CDH13: variants seen among roughly 807,000 people sequenced by gnomAD.
CDH13 encodes cadherin 13.
CDH13 carries 24 observed loss-of-function variants against 63.8 expected under a neutral mutation model. That is an observed-to-expected ratio of 0.38 (90% confidence interval 0.27 to 0.53). The LOEUF (loss-of-function observed/expected upper bound fraction) is 0.53, where lower values mean the gene tolerates loss of function less well. CDH13 is among the 20% of genes least tolerant of loss of function. The pLI is 0.85. For missense variants in CDH13, 1,049 were observed against 903.1 expected (o/e 1.16, Z -2.07); for synonymous variants, 503 against 355.3 (o/e 1.42, Z -4.67).
chr16:83,336,531 T>C (rs938987948), intron 5 of CDH13, among the ~76,000 whole-genome samples: 11 of 152,176 alleles, frequency 7.2e-5, no homozygotes, highest in African/African-American at 2.7e-4. Flanking sequence ...CGGAGTCACA[T>C]TGTGTTAGAG....
intron 4 of CDH13, among the ~76,000 whole-genome samples, chr16:83,196,301 A>G (rs1253627292): frequency 1.3e-5 from 2 of 152,190 alleles, no homozygotes; most frequent in African/African-American, 2.4e-5. Context: ...CTCAAAGTGG[A>G]TCACAGATAT....
At chr16:83,003,251 G>A (rs534184798) in intron 2 of CDH13, among the ~76,000 whole-genome samples, 10 of 152,290 alleles carry the variant, frequency 6.6e-5, no homozygotes, top group South Asian at 2.1e-4. Context: ...GCTCTTGGGC[G>A]GTGAGAGGAC....
chr16:83,327,439 G>GA (rs900598219), intron 5 of CDH13, among the ~76,000 whole-genome samples: 1 of 151,970 alleles, frequency 6.6e-6, no homozygotes, highest in Non-Finnish European at 1.5e-5. Flanking sequence ...CTGTCCTCCA[G>GA]AAAAAAGGGA....
At chr16:83,155,114 A>G (rs993993826) in intron 4 of CDH13, among the ~76,000 whole-genome samples, 5 of 152,244 alleles carry the variant, frequency 3.3e-5, no homozygotes, top group African/African-American at 1.2e-4. Context: ...TTACTATTAG[A>G]GAATGTTAAT....
At chr16:83,544,790 C>T (rs139545081) in intron 7 of CDH13, among the ~76,000 whole-genome samples, 3 of 152,298 alleles carry the variant, frequency 2.0e-5, no homozygotes, top group African/African-American at 7.2e-5. Flanking sequence ...TTTGTTTCCT[C>T]ATCTGCAAAA....
intron 6 of CDH13, among the ~76,000 whole-genome samples, chr16:83,385,892 G>T (rs2091663846): frequency 6.6e-6 from 1 of 152,180 alleles, no homozygotes; most frequent in Non-Finnish European, 1.5e-5. Flanking sequence ...ACCTGGGTCT[G>T]ATCCCATCTG....
intron 4 of CDH13, among the ~76,000 whole-genome samples, chr16:83,198,409 C>T (rs930336297): frequency 6.6e-6 from 1 of 151,874 alleles, no homozygotes; most frequent in East Asian, 1.9e-4. Flanking sequence ...AGCTCGACAC[C>T]AACAATTTGC....
At chr16:82,721,273 A>G (rs765875880) in intron 1 of CDH13, among the ~76,000 whole-genome samples, 29 of 152,200 alleles carry the variant, frequency 1.9e-4, no homozygotes, top group African/African-American at 7.0e-4. Context: ...AAAGGATCAT[A>G]TTGCAATGTA....
intron 8 of CDH13, among the ~76,000 whole-genome samples, chr16:83,605,997 C>T (rs559874186): frequency 6.6e-6 from 1 of 152,248 alleles, no homozygotes; most frequent in Admixed American, 6.5e-5. Context: ...GAGGAGAGCT[C>T]CTAATGAGGA....
intron 5 of CDH13, among the ~76,000 whole-genome samples, chr16:83,331,179 G>A (rs1263467835): frequency 1.3e-5 from 2 of 152,094 alleles, no homozygotes; most frequent in Non-Finnish European, 2.9e-5. Flanking sequence ...ACCCACCTTT[G>A]GAATCTCAGC....
intron 2 of CDH13, among the ~76,000 whole-genome samples, chr16:82,897,133 G>C (rs1263648363): frequency 6.6e-6 from 1 of 152,106 alleles, no homozygotes; most frequent in Non-Finnish European, 1.5e-5. Flanking sequence ...GAGTACTTGA[G>C]CCAAAGTTGC....
intron 1 of CDH13, among the ~76,000 whole-genome samples, chr16:82,673,723 C>A (rs550979629): frequency 6.6e-6 from 1 of 152,148 alleles, no homozygotes; most frequent in Non-Finnish European, 1.5e-5. Context: ...ATGTTGAGGG[C>A]AGGAGGCAGA....
chr16:83,321,978 G>C (rs1567590221), intron 5 of CDH13, among the ~76,000 whole-genome samples: 1 of 152,224 alleles, frequency 6.6e-6, no homozygotes, highest in Non-Finnish European at 1.5e-5. Flanking sequence ...GCCAGAGTGA[G>C]ATGGTGAGAA....
chr16:82,708,197 C>T (rs1394309773), intron 1 of CDH13, among the ~76,000 whole-genome samples: 1 of 152,180 alleles, frequency 6.6e-6, no homozygotes, highest in African/African-American at 2.4e-5. Flanking sequence ...CCCATTTGCT[C>T]AAATGTGGTC....
At chr16:83,080,723 A>G (rs764891383) in intron 3 of CDH13, among the ~76,000 whole-genome samples, 4 of 152,024 alleles carry the variant, frequency 2.6e-5, no homozygotes, top group Non-Finnish European at 5.9e-5. Flanking sequence ...CAGAACATAG[A>G]GGCGGCAATG....
chr16:83,692,769 C>G (rs1905035760), intron 10 of CDH13, among the ~76,000 whole-genome samples: 2 of 152,182 alleles, frequency 1.3e-5, no homozygotes, highest in Non-Finnish European at 2.9e-5. Flanking sequence ...GACCCCTGGT[C>G]TCTTACAGCC....
In CDH13 at chr16:83,401,208, T is replaced by C. The variant is rs1033656294; in HGVS notation, c.781+56202T>C. Among the ~76,000 whole-genome samples the C allele has an allele frequency of 5.3e-5, 8 of 151,976 alleles. No individual in the cohort carries two copies. In the East Asian group the frequency reaches 1.2e-3, roughly 22 times the overall value. Reference sequence around the variant, plus strand: ...ATACAAAAATTGGTGTGGTGGTGTGTGCGCCTGTAATCCCAGCTACTTTGG... The same window carrying C: ...ATACAAAAATTGGTGTGGTGGTGTGCGCGCCTGTAATCCCAGCTACTTTGG... On this transcript the variant is annotated intron_variant, in intron 6 of 13. Coordinates refer to ENST00000567109, the MANE Select transcript of CDH13 (RefSeq NM_001257.5).
At chr16:82,934,661 T>A (rs1386375879) in intron 2 of CDH13, among the ~76,000 whole-genome samples, 1 of 152,182 alleles carries the variant, frequency 6.6e-6, no homozygotes, top group Non-Finnish European at 1.5e-5. Flanking sequence ...GCTTTGCTGC[T>A]TAGAAATTTC....
At chr16:82,785,719 T>G (rs1223756416) in intron 1 of CDH13, among the ~76,000 whole-genome samples, 1 of 152,188 alleles carries the variant, frequency 6.6e-6, no homozygotes, top group Non-Finnish European at 1.5e-5. Flanking sequence ...GGAATCAAAG[T>G]GTATTCCAGT....
Sources: gnomAD v4.1 joint callset for allele counts (sites outside exome capture counted in the v4.1 genomes callset) on GRCh38, gnomAD v4.1.1 for gene constraint, MANE v1.5 for transcripts, NCBI Gene and HGNC (gene_info 2026-07-23, HGNC 2026-07-21) for gene names.